Variants in LRP2 observed in about 807,000 individuals in gnomAD.
The protein encoded by LRP2 is LDL receptor related protein 2.
A neutral mutation model predicts 531.0 loss-of-function variants in LRP2; 172 were observed. That is an observed-to-expected ratio of 0.32 (90% CI 0.29 to 0.37). The LOEUF (loss-of-function observed/expected upper bound fraction) is 0.37. Ranked by LOEUF, LRP2 falls within the 10% of genes least tolerant of loss-of-function variation. The probability of loss-of-function intolerance (pLI) is 1.00; values close to 1 mark genes in which losing one functional copy is unlikely to be tolerated. For synonymous variants in LRP2, 1,992 were observed against 2,027.6 expected (o/e 0.98, Z 0.47); for missense variants, 5,167 against 5,868.3 (o/e 0.88, Z 3.90).
At position 169,188,106 on chromosome 2, in the gene LRP2, C is replaced by G; in HGVS notation, c.9192G>C (p.Leu3064=). 6.2e-7 allele frequency: 1 copy of G among 1,614,130 alleles called. No individual in the cohort carries two copies. The highest frequency in any genetic ancestry group is 8.5e-7 in the Non-Finnish European group (1 of 1,180,022). Residue 3064 remains leucine, a synonymous_variant, in exon 49 of 79, where the codon CTG becomes CTC. Coordinates refer to ENST00000649046, the MANE Select transcript of LRP2 (RefSeq NM_004525.3). Reference sequence around the variant, plus strand: ...GTTCTGGGGTGTGGCACAGGTGCATCAGCTCATCAGATCCGTCTCCACAGT... The same window carrying G: ...GTTCTGGGGTGTGGCACAGGTGCATGAGCTCATCAGATCCGTCTCCACAGT... ...DNDCGDGSDE[L]MHLCHTPEPT...
intron 1 of LRP2, among the ~76,000 whole-genome samples, chr2:169,351,162 A>T (rs1685836307): frequency 6.6e-6 from 1 of 152,212 alleles, no homozygotes; most frequent in Non-Finnish European, 1.5e-5. Flanking sequence ...TAACCAGTTA[A>T]ATAAGGACCA....
At chr2:169,276,899 A>T (rs1191978876) in intron 13 of LRP2, among the ~76,000 whole-genome samples, 2 of 152,174 alleles carry the variant, frequency 1.3e-5, no homozygotes, top group African/African-American at 4.8e-5. Flanking sequence ...GATGAAAAAA[A>T]ATATGCCATA....
At chr2:169,213,558 A>G (rs946161759) in intron 36 of LRP2, 99 bp downstream of exon 36, 7 of 949,868 alleles carry the variant, frequency 7.4e-6, no homozygotes, top group Non-Finnish European at 1.0e-5. Flanking sequence ...ATGCACGTGT[A>G]TGTACGTGAA....
At chr2:169,213,527 T>G in intron 36 of LRP2, 130 bp downstream of exon 36, 1 of 829,462 alleles carries the variant, frequency 1.2e-6, no homozygotes, top group South Asian at 1.4e-5. Context: ...TTTTTAAATA[T>G]TTCAGGTAAC....
At chr2:169,233,005 A>C (rs1689467108) in intron 30 of LRP2, among the ~76,000 whole-genome samples, 1 of 152,216 alleles carries the variant, frequency 6.6e-6, no homozygotes, top group Non-Finnish European at 1.5e-5. Context: ...TGCTGGCTAC[A>C]GCAGAGCACC....
In LRP2 at chr2:169,244,939, T is replaced by C. The variant is rs1689949090; in HGVS notation, c.3191-7A>G. 6 of 1,614,168 alleles carry C rather than the reference T, an allele frequency of 3.7e-6. No homozygotes were observed. The East Asian group carries it at 6.7e-5, about 18-fold the overall frequency. On this transcript the variant is annotated splice_polypyrimidine_tract_variant and splice_region_variant and intron_variant, in intron 21 of 78. Transcript: ENST00000649046. ...GAAGATGAACAGGTATTATCTACAA[T>C]AGTAACAAACTGGTCATGAAGACAT...
Position 169,243,469 on chromosome 2 carries a change from T to A in LRP2, c.3484A>T (p.Ile1162Phe). 1.2e-6 allele frequency: 2 copies of A among 1,614,124 alleles called. No homozygotes were observed. The highest frequency in any genetic ancestry group is 1.7e-6 in the Non-Finnish European group (2 of 1,179,992). Residue 1162 changes from isoleucine (I) to phenylalanine (F), a missense_variant, in exon 23 of 79, where the codon ATT becomes TTT. Around this residue, in one of 6 missense-constraint regions of LRP2, gnomAD observed 2,811 missense variants for 3,058.0 expected, o/e 0.92. Transcript: ENST00000649046. ...SQFNCPNHRC[I>F]DLSFVCDGDK... ...CCATCACAGACAAACGATAGGTCAA[T>A]ACATCGATGATTGGGGCAATTAAAC...
At chr2:169,343,639 G>A (rs1462357791) in intron 1 of LRP2, among the ~76,000 whole-genome samples, 2 of 152,134 alleles carry the variant, frequency 1.3e-5, no homozygotes, top group African/African-American at 4.8e-5. Context: ...AGCTTCAGAG[G>A]TACACATCTG....
chr2:169,231,597 C>T, intron 31 of LRP2, 117 bp downstream of exon 31: 2 of 1,280,692 alleles, frequency 1.6e-6, no homozygotes, highest in Non-Finnish European at 2.3e-6. Flanking sequence ...CTGCAGACAC[C>T]TGAGGAATCA....
chr2:169,150,925 G>A lies in LRP2; in HGVS notation c.12563C>T (p.Ala4188Val). The part of the protein sequence containing the change: ...WLISTDLDQP[A>V]AIAVNPKLGL... ...TAGTTTGGGATTCACAGCAATAGCAGCTGGTTGGTCCAGGTCAGTGGAAAT... is the reference window on the plus strand; with the variant it reads ...TAGTTTGGGATTCACAGCAATAGCAACTGGTTGGTCCAGGTCAGTGGAAAT... Residue 4188 changes from alanine to valine, a missense_variant, in exon 68 of 79, where the codon GCT becomes GTT. Around this residue, in one of 6 missense-constraint regions of LRP2, gnomAD observed 564 missense variants for 747.7 expected, o/e 0.75. Transcript: ENST00000649046. 4 of 1,614,078 alleles carry A rather than the reference G, an allele frequency of 2.5e-6. No individual in the cohort carries two copies. Among genetic ancestry groups the A allele is most frequent in the Non-Finnish European group, 3.4e-6 (4 of 1,179,942 alleles).
Position 169,191,845 on chromosome 2 carries a change from G to T in LRP2, c.9019C>A (p.Pro3007Thr). 1 of 1,613,830 alleles carries T rather than the reference G, an allele frequency of 6.2e-7. No individual in the cohort carries two copies. The stretch of plus-strand genomic sequence containing the variant: ...TCCTCAATTCACCTGAATATCTTTG[G>T]GATACACAGTCCGTAACCACAGGTG... Reference protein sequence around the residue: ...EFTCGYGLCIPKIFRCDRHND... With the variant: ...EFTCGYGLCITKIFRCDRHND... Residue 3007 changes from proline to threonine, a missense_variant, in exon 48 of 79, where the codon CCA becomes ACA. By Grantham distance (38) the Pro-to-Thr change is conservative. Around this residue, in one of 6 missense-constraint regions of LRP2, gnomAD observed 1,129 missense variants for 1,362.7 expected, o/e 0.83. Coordinates refer to ENST00000649046, the MANE Select transcript of LRP2 (RefSeq NM_004525.3).
intron 13 of LRP2, among the ~76,000 whole-genome samples, chr2:169,276,970 G>T (rs761807747): frequency 6.6e-6 from 1 of 152,020 alleles, no homozygotes; most frequent in African/African-American, 2.4e-5. Context: ...TGAGGCAGGC[G>T]AATAACTTGA....
At chr2:169,296,679 T>C (rs1395298155) in intron 4 of LRP2, among the ~76,000 whole-genome samples, 1 of 152,144 alleles carries the variant, frequency 6.6e-6, no homozygotes, top group African/African-American at 2.4e-5. Context: ...TTTAAGGTGA[T>C]AATTATAAAT....
chr2:169,263,296 C>G (rs370058352), intron 16 of LRP2, among the ~76,000 whole-genome samples: 22 of 152,178 alleles, frequency 1.4e-4, no homozygotes, highest in African/African-American at 4.3e-4. Flanking sequence ...ACTACCATCA[C>G]AGTGAACAGG....
chr2:169,177,785 C>T lies in LRP2; in HGVS notation c.10393+18G>A. 6.2e-7 allele frequency: 1 copy of T among 1,609,916 alleles called. No individual in the cohort carries two copies. The highest frequency in any genetic ancestry group is 1.1e-5 in the South Asian group (1 of 90,976). On this transcript the variant is annotated intron_variant, in intron 53 of 78. Coordinates refer to ENST00000649046, the MANE Select transcript of LRP2 (RefSeq NM_004525.3). ...TAACCCAAGGCAACCTTGCCAAACC[C>T]CTCAATCACCTACTCACCAATGGGC...
chr2:169,303,051 T>C (rs967325176), intron 4 of LRP2, among the ~76,000 whole-genome samples: 4 of 152,044 alleles, frequency 2.6e-5, no homozygotes, highest in African/African-American at 9.7e-5. Flanking sequence ...TTATACAATG[T>C]CTAAGAAATA....
At chr2:169,189,906 T>C (rs1197699287) in intron 48 of LRP2, among the ~76,000 whole-genome samples, 1 of 151,690 alleles carries the variant, frequency 6.6e-6, no homozygotes, top group African/African-American at 2.4e-5. Context: ...GAAGGAACAA[T>C]GGACGAACAA....
intron 16 of LRP2, among the ~76,000 whole-genome samples, chr2:169,263,654 T>G (rs901060900): frequency 1.4e-3 from 212 of 151,234 alleles, no homozygotes; most frequent in Non-Finnish European, 2.4e-3. Flanking sequence ...GGTGGGACTG[T>G]AAACTAGTTC....
At chr2:169,140,300 C>A (rs1685671032) in intron 72 of LRP2, among the ~76,000 whole-genome samples, 155 bp downstream of exon 72, 2 of 152,212 alleles carry the variant, frequency 1.3e-5, no homozygotes, top group South Asian at 4.1e-4. Context: ...TGCCTCAGTT[C>A]TCTGTAGACT....
Sources: gnomAD v4.1 joint callset for allele counts (sites outside exome capture counted in the v4.1 genomes callset) on GRCh38, gnomAD v4.1.1 for gene constraint, gnomAD v4.1.1 regional missense constraint, MANE v1.5 for transcripts, NCBI Gene and HGNC (gene_info 2026-07-23, HGNC 2026-07-21) for gene names.